The following SYCE1 variants were observed in gnomAD, a reference collection of about 807,000 sequenced individuals.
SYCE1 encodes the protein synaptonemal complex central element protein 1.
A neutral mutation model predicts 55.1 loss-of-function variants in SYCE1; 37 were observed. That is an observed-to-expected ratio of 0.67 (90% confidence interval 0.52 to 0.88). SYCE1 has a LOEUF of 0.88. Among genes scored for constraint, SYCE1 ranks in the 40% least tolerant of loss-of-function variants. The pLI is 0.00. For synonymous variants in SYCE1, 163 were observed against 159.4 expected (o/e 1.02, Z -0.17); for missense variants, 399 against 416.4 (o/e 0.96, Z 0.36).
chr10:133,555,587 C>G lies in SYCE1; in HGVS notation c.830+10G>C, dbSNP rs879380721. 4 of 1,603,140 alleles carry G rather than the reference C, an allele frequency of 2.5e-6. No homozygotes were observed. Among genetic ancestry groups the G allele is most frequent in the Non-Finnish European group, 3.4e-6 (4 of 1,178,118 alleles). ...GGTGGGGGTTGCGGGGACAGGGCCT[C>G]CACACGCACCTCTGCCGCTTCTGCT... On this transcript the variant is annotated intron_variant, in intron 11 of 12. Transcript: ENST00000343131.
chr10:133,568,181 C>T, upstream of SYCE1: 1 of 1,029,358 alleles, frequency 9.7e-7, no homozygotes, highest in Admixed American at 2.0e-5. Context: ...GCCCGAAGTC[C>T]ACGTACAGTA....
chr10:133,568,258 T>C, upstream of SYCE1: 1 of 1,426,620 alleles, frequency 7.0e-7, no homozygotes, highest in Non-Finnish European at 9.5e-7. Flanking sequence ...CAGGCCGCGT[T>C]CCCCGGGTCC....
chr10:133,556,151 CCAA>C, intron 8 of SYCE1, 104 bp from the exon 9 acceptor site: 2 of 1,345,958 alleles, frequency 1.5e-6, no homozygotes, highest in South Asian at 1.3e-5. Context: ...TGCCTCACTT[CCAA>C]CAACTCTGCC....
chr10:133,554,844 C>A, downstream of SYCE1: 1 of 1,449,260 alleles, frequency 6.9e-7, no homozygotes, highest in South Asian at 1.5e-5. Context: ...AATCCAGAGA[C>A]CAGGAGGTTA....
chr10:133,560,011 C>T (rs1851783810), intron 2 of SYCE1, 80 bp downstream of exon 2: 4 of 1,191,874 alleles, frequency 3.4e-6, no homozygotes, highest in Admixed American at 1.8e-5. Flanking sequence ...CAAATTCGTA[C>T]ATTGTGGGGC....
At chr10:133,558,731 AGAG>A (rs1851748320) in intron 4 of SYCE1, 143 bp downstream of exon 4, 1 of 769,768 alleles carries the variant, frequency 1.3e-6, no homozygotes, top group African/African-American at 1.8e-5. Flanking sequence ...CCACAAGCAG[AGAG>A]GAGAGGGGGA....
rs184257938 is a variant in SYCE1 at position 133,565,278 on chromosome 10, G to T, written c.73+179C>A. ...ACAGTTCAATGCTTTAAGACAAAGTGGGGGGTGTGCGGGCAAGCACTCCCT... is the reference window on the plus strand; with the variant it reads ...ACAGTTCAATGCTTTAAGACAAAGTTGGGGGTGTGCGGGCAAGCACTCCCT... On this transcript the variant is annotated intron_variant, in intron 1 of 12. Coordinates refer to ENST00000343131, the MANE Select transcript of SYCE1 (RefSeq NM_001143764.3). 7.1e-4 allele frequency among the ~76,000 whole-genome samples: 108 copies of T among 152,324 alleles called. 2 individuals are homozygous for T. The Middle Eastern group carries it at 0.01, about 14-fold the overall frequency.
At chr10:133,566,145 T>C (rs1158691871), upstream of SYCE1, among the ~76,000 whole-genome samples, 6 of 152,150 alleles carry the variant, frequency 3.9e-5, no homozygotes, top group Admixed American at 2.0e-4. Flanking sequence ...TTCTGCACGG[T>C]CCCTGCCGCG....
At chr10:133,566,629 T>A (rs1471367469), upstream of SYCE1, among the ~76,000 whole-genome samples, 1 of 60,026 alleles carries the variant, frequency 1.7e-5, no homozygotes, top group Non-Finnish European at 3.5e-5. Context: ...GGTTAGGGTT[T>A]GGGGGCTAGG....
downstream of SYCE1, among the ~76,000 whole-genome samples, chr10:133,554,488 C>G (rs913246138): frequency 1.3e-5 from 2 of 152,072 alleles, no homozygotes; most frequent in Non-Finnish European, 2.9e-5. Flanking sequence ...TGATTGACTC[C>G]CTGCAAGCTG....
At chr10:133,556,209 T>TGA in intron 8 of SYCE1, 162 bp from the exon 9 acceptor site, 1 of 729,996 alleles carries the variant, frequency 1.4e-6, no homozygotes, top group Non-Finnish European at 2.2e-6. Context: ...GCCATGGCAC[T>TGA]GGCCATTCCC....
intron 1 of SYCE1, among the ~76,000 whole-genome samples, chr10:133,562,105 GT>G (rs202181860): frequency 0.026 from 3,986 of 152,128 alleles, 161 homozygotes; most frequent in African/African-American, 0.092. Flanking sequence ...GACAGCCTGG[GT>G]TTGGTTCCTA....
Position 133,558,167 on chromosome 10 carries a change from CTTG to C in SYCE1, c.316_318del (p.Gln106del). 6.2e-7 allele frequency: 1 copy of C among 1,614,180 alleles called. No homozygotes were observed. The highest frequency in any genetic ancestry group is 8.5e-7 in the Non-Finnish European group (1 of 1,180,022). On this transcript the variant is annotated inframe_deletion and splice_region_variant, in exon 5 of 13. Transcript: ENST00000343131. ...CTGGAGACAGGGGAGCGGCAAATAC[CTTG>C]TTTTTTGCTCAAGATCTCCTTCAGG...
upstream of SYCE1, among the ~76,000 whole-genome samples, chr10:133,566,961 G>T (rs1301832185): frequency 1.2e-4 from 18 of 151,530 alleles, no homozygotes; most frequent in African/African-American, 4.1e-4. Context: ...AGGGTTTGGG[G>T]TGGGGTAGTG....
In SYCE1 at chr10:133,558,224, A is replaced by G; in HGVS notation, c.272-10T>C. ...ACTTTCTCTCCATGCACTAGAAAACAGTGACACATTTTGGCATCAGGGACT... is the reference window on the plus strand; with the variant it reads ...ACTTTCTCTCCATGCACTAGAAAACGGTGACACATTTTGGCATCAGGGACT... On this transcript the variant is annotated splice_polypyrimidine_tract_variant and intron_variant, in intron 4 of 12. Coordinates refer to ENST00000343131, the MANE Select transcript of SYCE1 (RefSeq NM_001143764.3). 1 of 1,614,186 alleles carries G rather than the reference A, an allele frequency of 6.2e-7. No individual in the cohort carries two copies. Among genetic ancestry groups the G allele is most frequent in the South Asian group, 1.1e-5 (1 of 91,078 alleles).
chr10:133,565,360 G>C, intron 1 of SYCE1, 97 bp downstream of exon 1: 1 of 1,142,924 alleles, frequency 8.7e-7, no homozygotes, highest in Non-Finnish European at 1.2e-6. Context: ...GCAGCATCAG[G>C]ACTGACAGGA....
At chr10:133,556,095 T>C in intron 8 of SYCE1, 48 bp from the exon 9 acceptor site, 1 of 1,601,764 alleles carries the variant, frequency 6.2e-7, no homozygotes. Flanking sequence ...CTTTCCCCCA[T>C]GCCTCAAAGA....
rs147617180 is a variant in SYCE1 at position 133,557,912 on chromosome 10, A to C, written c.326T>G (p.Leu109Arg). ...CTGGCAATGCAGCCGGAGGATCCTC[A>C]GGGTCTCTGTAGGGAGAGCAACAGG... Reference protein sequence around the residue: ...KEILSKKQETLRILRLHCQEK... With the variant: ...KEILSKKQETRRILRLHCQEK... Residue 109 changes from leucine to arginine, a missense_variant, in exon 6 of 13, where the codon CTG becomes CGG. Leu to Arg is a moderately radical substitution (Grantham distance 102). Coordinates refer to ENST00000343131, the MANE Select transcript of SYCE1 (RefSeq NM_001143764.3). The C allele has an allele frequency of 8.0e-4, 1,285 of 1,614,038 alleles. 7 individuals carry two copies. In the African/African-American group the frequency reaches 0.015, roughly 19 times the overall value.
chr10:133,556,863 T>C, intron 7 of SYCE1, 41 bp from the exon 8 acceptor site: 2 of 1,604,080 alleles, frequency 1.2e-6, no homozygotes, highest in Non-Finnish European at 1.7e-6. Flanking sequence ...TGGGCTGAAA[T>C]CACCACCTTC....
Sources: allele counts gnomAD v4.1 joint callset (sites outside exome capture counted in the v4.1 genomes callset), GRCh38; gene constraint gnomAD v4.1.1; transcripts MANE v1.5; gene names NCBI Gene and HGNC (gene_info 2026-07-23, HGNC 2026-07-21).